The following MTMR9 variants were observed in gnomAD, a reference collection of about 807,000 sequenced individuals.
MTMR9 encodes the protein myotubularin-related protein 9.
Under a neutral mutation model 69.5 loss-of-function variants are expected in MTMR9, and 39 were observed. The observed-to-expected ratio is 0.56, with a 90% CI of 0.43 to 0.73. MTMR9 has a LOEUF of 0.73. Among genes scored for constraint, MTMR9 ranks in the 30% least tolerant of loss-of-function variants. The pLI is 0.00. For missense variants in MTMR9, 900 were observed against 671.2 expected (o/e 1.34, Z -3.77); for synonymous variants, 354 against 240.8 (o/e 1.47, Z -4.35).
intron 1 of MTMR9, among the ~76,000 whole-genome samples, chr8:11,293,644 A>T (rs910479645): frequency 6.6e-6 from 1 of 152,030 alleles, no homozygotes; most frequent in African/African-American, 2.4e-5. Context: ...TAAGGTCACA[A>T]ATATTTTCTC....
intron 6 of MTMR9, among the ~76,000 whole-genome samples, chr8:11,310,059 C>G (rs1800134845): frequency 6.6e-6 from 1 of 152,042 alleles, no homozygotes; most frequent in African/African-American, 2.4e-5. Flanking sequence ...TACCTCCTTA[C>G]TTTTGAAATA....
downstream of MTMR9, chr8:11,331,365 C>A: frequency 1.2e-6 from 2 of 1,614,034 alleles, no homozygotes; most frequent in Non-Finnish European, 1.7e-6. Context: ...TGCCCTGCTA[C>A]TTAAACTGCG....
chr8:11,320,007 C>T (rs1353341793), intron 9 of MTMR9, 169 bp downstream of exon 9: 1 of 546,186 alleles, frequency 1.8e-6, no homozygotes, highest in Non-Finnish European at 3.0e-6. Flanking sequence ...AATCAGTTAT[C>T]TAGCCACACT....
At chr8:11,315,154 G>T in intron 7 of MTMR9, 90 bp downstream of exon 7, 1 of 1,480,628 alleles carries the variant, frequency 6.8e-7, no homozygotes, top group South Asian at 1.2e-5. Flanking sequence ...GTGAAATTTC[G>T]ATTGATTAAA....
chr8:11,302,797 G>T (rs1258037117), intron 3 of MTMR9, among the ~76,000 whole-genome samples: 1 of 152,044 alleles, frequency 6.6e-6, no homozygotes, highest in Non-Finnish European at 1.5e-5. Flanking sequence ...GTCTACATAG[G>T]AAAAGGAAAG....
chr8:11,331,291 A>T, downstream of MTMR9: 1 of 1,613,920 alleles, frequency 6.2e-7, no homozygotes, highest in Non-Finnish European at 8.5e-7. Context: ...CGTATGGCTT[A>T]CCAGGGTTCC....
chr8:11,299,617 TAA>T (rs1268459247), intron 2 of MTMR9, among the ~76,000 whole-genome samples: 26 of 152,182 alleles, frequency 1.7e-4, no homozygotes. Flanking sequence ...ATAATTTACA[TAA>T]GTTTATTTAG....
At chr8:11,322,600 T>C in intron 9 of MTMR9, 25 bp from the exon 10 acceptor site, 3 of 1,606,912 alleles carry the variant, frequency 1.9e-6, no homozygotes, top group African/African-American at 1.3e-5. Context: ...TTCTTGCTTC[T>C]GTTTTCCATT....
At chr8:11,287,245 A>T (rs1018126498) in intron 1 of MTMR9, among the ~76,000 whole-genome samples, 2 of 152,232 alleles carry the variant, frequency 1.3e-5, no homozygotes, top group African/African-American at 4.8e-5. Context: ...ATGCCGTTGA[A>T]TACAACTGAG....
intron 3 of MTMR9, 25 bp from the exon 4 acceptor site, chr8:11,304,816 C>G (rs1799879511): frequency 6.2e-7 from 1 of 1,607,956 alleles, no homozygotes; most frequent in South Asian, 1.1e-5. Context: ...AGTTGCTTAG[C>G]TTTGAAGTAT....
chr8:11,308,044 G>C (rs577923748), intron 5 of MTMR9, among the ~76,000 whole-genome samples: 5 of 152,182 alleles, frequency 3.3e-5, no homozygotes, highest in African/African-American at 1.2e-4. Context: ...TTGTTAGTTT[G>C]TTCAGTCTCA....
chr8:11,318,486 T>A (rs929855388), intron 8 of MTMR9: 5 of 152,216 alleles, frequency 3.3e-5, no homozygotes, highest in African/African-American at 1.2e-4. Flanking sequence ...TCATAAATAA[T>A]CATGTGGTTT....
chr8:11,301,831 T>C (rs1008251384), intron 3 of MTMR9, among the ~76,000 whole-genome samples: 1 of 152,156 alleles, frequency 6.6e-6, no homozygotes, highest in East Asian at 1.9e-4. Context: ...AATAAGTGAT[T>C]TGAAATATAG....
At position 11,325,261 on chromosome 8, in the gene MTMR9, A is replaced by G. The variant is rs1800878228; in HGVS notation, c.*2473A>G. ...TCCAAAAACGGTCAGAAATAAGTCC[A>G]TTATCAATATAATTTGAAGAAGATT... is the stretch of plus-strand genomic sequence containing the variant. On this transcript the variant is annotated 3_prime_UTR_variant, in exon 10 of 10. Coordinates refer to ENST00000221086, the MANE Select transcript of MTMR9 (RefSeq NM_015458.4). 2 of 152,228 alleles carry G rather than the reference A, an allele frequency of 1.3e-5. No homozygotes were observed. The highest frequency in any genetic ancestry group is 1.3e-4 in the Admixed American group (2 of 15,288). The allele number at this position is 152,228 out of a possible 1,614,324, so 9.4% of individuals were successfully genotyped here. A position where few individuals can be genotyped will look rare whatever the true frequency, so the allele number is the denominator to read the frequency against.
intron 1 of MTMR9, among the ~76,000 whole-genome samples, chr8:11,294,247 A>C (rs1799470365): frequency 6.6e-6 from 1 of 152,170 alleles, no homozygotes; most frequent in South Asian, 2.1e-4. Context: ...TGCACTAGTT[A>C]TAACCTTGAG....
intron 4 of MTMR9, 130 bp from the exon 5 acceptor site, chr8:11,306,060 A>T (rs1263537088): frequency 1.4e-6 from 1 of 706,156 alleles, no homozygotes; most frequent in Admixed American, 2.7e-5. Flanking sequence ...TTCTTTGTTT[A>T]TGGATCAAAT....
chr8:11,318,824 C>G (rs1179065112), intron 8 of MTMR9: 5 of 152,018 alleles, frequency 3.3e-5, no homozygotes, highest in Non-Finnish European at 7.4e-5. Flanking sequence ...GTTATTTTCC[C>G]TAAAAGCTAA....
At chr8:11,307,337 G>A (rs1301201842) in intron 5 of MTMR9, among the ~76,000 whole-genome samples, 2 of 152,182 alleles carry the variant, frequency 1.3e-5, no homozygotes, top group African/African-American at 4.8e-5. Flanking sequence ...CCCTCAAAGT[G>A]TTGAAATTAC....
At chr8:11,318,152 G>C (rs552375973) in intron 8 of MTMR9, 1 of 152,170 alleles carries the variant, frequency 6.6e-6, no homozygotes, top group South Asian at 2.1e-4. Flanking sequence ...AATATCCTCA[G>C]GACTAGCTTT....
Sources: allele counts gnomAD v4.1 joint callset (sites outside exome capture counted in the v4.1 genomes callset), GRCh38; gene constraint gnomAD v4.1.1; transcripts MANE v1.5; gene names NCBI Gene and HGNC (gene_info 2026-07-23, HGNC 2026-07-21).